The following LSM14A variants were observed in gnomAD, a reference collection of about 807,000 sequenced individuals.
The protein encoded by LSM14A is LSM14A mRNA processing body assembly factor.
Under a neutral mutation model 52.4 loss-of-function variants are expected in LSM14A, and 14 were observed. That is an observed-to-expected ratio of 0.27 (90% CI 0.18 to 0.42). The LOEUF is 0.42. Among genes scored for constraint, LSM14A ranks in the 10% least tolerant of loss-of-function variants. The probability of loss-of-function intolerance (pLI) is 1.00; values close to 1 mark genes in which losing one functional copy is unlikely to be tolerated. For synonymous variants in LSM14A, 185 were observed against 200.3 expected (o/e 0.92, Z 0.64); for missense variants, 417 against 581.8 (o/e 0.72, Z 2.91).
chr19:34,184,367 A>C (rs1374494251), intron 1 of LSM14A, among the ~76,000 whole-genome samples: 1 of 152,176 alleles, frequency 6.6e-6, no homozygotes, highest in African/African-American at 2.4e-5. Context: ...CTTTGCTTTT[A>C]ATATGTAAAT....
At chr19:34,214,991 A>T (rs555399131) in intron 4 of LSM14A, 133 bp from the exon 5 acceptor site, 2 of 574,444 alleles carry the variant, frequency 3.5e-6, no homozygotes, top group Non-Finnish European at 6.0e-6. Context: ...ATCTGGTCTG[A>T]TAAGTGGATT....
intron 9 of LSM14A, chr19:34,226,480 A>G (rs1404742064): frequency 2.6e-6 from 4 of 1,518,804 alleles, no homozygotes; most frequent in South Asian, 1.3e-5. Context: ...AAAAACAAAT[A>G]CTTTGGGAGG....
Position 34,172,600 on chromosome 19 carries a change from A to G in LSM14A, c.-43A>G, listed in dbSNP as rs2068779279. 1 of 1,524,564 alleles carries G rather than the reference A, an allele frequency of 6.6e-7. No homozygotes were observed. The highest frequency in any genetic ancestry group is 1.2e-5 in the South Asian group (1 of 81,546). 94.4% of individuals were successfully genotyped at this position (1,524,564 alleles called of 1,614,324 possible). On this transcript the variant is annotated 5_prime_UTR_variant, in exon 1 of 10. Coordinates refer to ENST00000544216, the MANE Select transcript of LSM14A (RefSeq NM_015578.4). ...GCGGAGCGGGCGACAGTGGCGTGGGATCTGCCTCTCTGCGAGCAGCTGGGA... is the reference window on the plus strand; with the variant it reads ...GCGGAGCGGGCGACAGTGGCGTGGGGTCTGCCTCTCTGCGAGCAGCTGGGA...
chr19:34,209,412 G>A (rs2071968761), intron 4 of LSM14A, among the ~76,000 whole-genome samples: 1 of 152,152 alleles, frequency 6.6e-6, no homozygotes, highest in Admixed American at 6.5e-5. Context: ...GAAAAAAACT[G>A]TATTATGCTG....
At chr19:34,192,316 G>GTGTTTTTTTT (rs2070442714) in intron 1 of LSM14A, among the ~76,000 whole-genome samples, 1 of 65,822 alleles carries the variant, frequency 1.5e-5, no homozygotes, top group Non-Finnish European at 2.9e-5. Flanking sequence ...CATTCTTTTT[G>GTGTTTTTTTT]TTGTTTTTTT....
At chr19:34,200,662 G>A (rs138038112) in intron 3 of LSM14A, among the ~76,000 whole-genome samples, 2,190 of 152,198 alleles carry the variant, frequency 0.014, 51 homozygotes, top group African/African-American at 0.051. Flanking sequence ...ACATAGGTTT[G>A]ACATTTTTCA....
intron 8 of LSM14A, among the ~76,000 whole-genome samples, chr19:34,220,601 C>T (rs1168772684): frequency 6.9e-6 from 1 of 144,190 alleles, no homozygotes; most frequent in Admixed American, 6.8e-5. Flanking sequence ...TCTAGAGGTT[C>T]TCCTGCCCAA....
intron 3 of LSM14A, among the ~76,000 whole-genome samples, chr19:34,202,949 G>T (rs1413788188): frequency 6.6e-6 from 1 of 152,184 alleles, no homozygotes; most frequent in Admixed American, 6.5e-5. Context: ...GAGCCACCGC[G>T]CCTGGCGGAC....
In LSM14A at chr19:34,202,489, T is replaced by C. The variant is rs563393269; in HGVS notation, c.415+5726T>C. Among the ~76,000 whole-genome samples the C allele has an allele frequency of 4.1e-4, 60 of 145,834 alleles. No homozygotes were observed. In the South Asian group the frequency reaches 4.4e-3, roughly 11 times the overall value. Reference sequence around the variant, plus strand: ...GCTTGGGAAACAGAGCCAGACTGTGTCTCAAAAAAAAAAAAAAAAATCTTG... The same window carrying C: ...GCTTGGGAAACAGAGCCAGACTGTGCCTCAAAAAAAAAAAAAAAAATCTTG... On this transcript the variant is annotated intron_variant, in intron 3 of 9. Transcript: ENST00000544216.
chr19:34,187,204 G>A (rs767566851), intron 1 of LSM14A, among the ~76,000 whole-genome samples: 20 of 150,716 alleles, frequency 1.3e-4, no homozygotes, highest in Non-Finnish European at 2.7e-4. Flanking sequence ...AGACGAGATC[G>A]CGCCACTGCA....
chr19:34,197,529 C>A (rs571614399), intron 3 of LSM14A, among the ~76,000 whole-genome samples: 1 of 150,508 alleles, frequency 6.6e-6, no homozygotes, highest in African/African-American at 2.4e-5. Context: ...ACCTCCACCT[C>A]CCAGGCTTAA....
chr19:34,206,685 A>T (rs181832505), intron 3 of LSM14A, among the ~76,000 whole-genome samples: 15 of 152,154 alleles, frequency 9.9e-5, no homozygotes, highest in African/African-American at 3.4e-4. Flanking sequence ...AAAAGAAAAA[A>T]AGAAAATTCA....
At chr19:34,224,034 C>G (rs898622944) in intron 9 of LSM14A, among the ~76,000 whole-genome samples, 1 of 152,122 alleles carries the variant, frequency 6.6e-6, no homozygotes, top group African/African-American at 2.4e-5. Flanking sequence ...GATGTTCTAA[C>G]TGTTACAATC....
At chr19:34,195,730 C>T (rs1301245916) in intron 2 of LSM14A, among the ~76,000 whole-genome samples, 2 of 152,208 alleles carry the variant, frequency 1.3e-5, no homozygotes, top group Admixed American at 6.5e-5. Context: ...AGATAGCTCC[C>T]TACACCAAAC....
chr19:34,206,797 GT>G (rs2071735649), intron 3 of LSM14A, among the ~76,000 whole-genome samples: 1 of 152,104 alleles, frequency 6.6e-6, no homozygotes, highest in African/African-American at 2.4e-5. Context: ...ATAGATCATT[GT>G]CCCCCATGAA....
chr19:34,226,499 T>C (rs1362729745), intron 9 of LSM14A: 1 of 1,495,688 alleles, frequency 6.7e-7, no homozygotes, highest in Non-Finnish European at 8.9e-7. Context: ...GGTGTGAAGG[T>C]TGGCTTTGTG....
intron 3 of LSM14A, among the ~76,000 whole-genome samples, chr19:34,201,798 G>A (rs1228100297): frequency 6.6e-6 from 1 of 152,102 alleles, no homozygotes; most frequent in African/African-American, 2.4e-5. Context: ...ACGTTTTCGT[G>A]TGTTATTACT....
At chr19:34,192,319 GT>G (rs71165632) in intron 1 of LSM14A, among the ~76,000 whole-genome samples, 584 of 53,396 alleles carry the variant, frequency 0.011, 3 homozygotes, top group South Asian at 0.02. Flanking sequence ...TCTTTTTGTT[GT>G]TTTTTTTTTT....
intron 8 of LSM14A, among the ~76,000 whole-genome samples, chr19:34,220,128 G>A (rs1027824142): frequency 3.9e-5 from 6 of 152,022 alleles, no homozygotes; most frequent in South Asian, 4.2e-4. Context: ...CACCCCACCC[G>A]GCTAATTTTT....
Sources: gnomAD v4.1 joint callset for allele counts (sites outside exome capture counted in the v4.1 genomes callset) on GRCh38, gnomAD v4.1.1 for gene constraint, MANE v1.5 for transcripts, NCBI Gene and HGNC (gene_info 2026-07-23, HGNC 2026-07-21) for gene names.